KCTD8: variants seen among roughly 807,000 people sequenced by gnomAD.
KCTD8 encodes potassium channel tetramerization domain containing 8.
Under a neutral mutation model 31.5 loss-of-function variants are expected in KCTD8, and 27 were observed. The observed-to-expected ratio is 0.86, with a 90% CI of 0.63 to 1.18. The LOEUF is 1.18. Ranked by LOEUF, KCTD8 falls within the 50% of genes most tolerant of loss-of-function variation. The pLI is 0.00. For synonymous variants in KCTD8, 290 were observed against 280.0 expected (o/e 1.04, Z -0.36); for missense variants, 658 against 647.7 (o/e 1.02, Z -0.17).
intron 1 of KCTD8, among the ~76,000 whole-genome samples, chr4:44,398,095 A>G (rs1720555518): frequency 6.6e-6 from 1 of 152,196 alleles, no homozygotes; most frequent in Admixed American, 6.5e-5. Context: ...GTCAGAAATC[A>G]TTTTGTAAGG....
At chr4:44,193,277 T>C (rs767105974) in intron 1 of KCTD8, among the ~76,000 whole-genome samples, 1 of 152,162 alleles carries the variant, frequency 6.6e-6, no homozygotes, top group Non-Finnish European at 1.5e-5. Context: ...CTTCATAAAG[T>C]AGAGGCCTCT....
At chr4:44,423,251 C>A (rs1381466420) in intron 1 of KCTD8, among the ~76,000 whole-genome samples, 1 of 151,952 alleles carries the variant, frequency 6.6e-6, no homozygotes, top group Non-Finnish European at 1.5e-5. Context: ...GAAAGCCTGA[C>A]CTAAATTAAT....
chr4:44,264,786 A>G (rs1716289457), intron 1 of KCTD8, among the ~76,000 whole-genome samples: 1 of 152,052 alleles, frequency 6.6e-6, no homozygotes, highest in South Asian at 2.1e-4. Flanking sequence ...GCTGATTGCT[A>G]GCTAGCACAG....
At chr4:44,270,962 A>G (rs1716579662) in intron 1 of KCTD8, among the ~76,000 whole-genome samples, 2 of 152,042 alleles carry the variant, frequency 1.3e-5, no homozygotes. Context: ...ATATTTTAAG[A>G]GTATGAAAAG....
At chr4:44,346,261 C>T (rs1719034253) in intron 1 of KCTD8, among the ~76,000 whole-genome samples, 1 of 152,100 alleles carries the variant, frequency 6.6e-6, no homozygotes, top group South Asian at 2.1e-4. Flanking sequence ...TGCCTGGTTT[C>T]TCAGTTGATT....
intron 1 of KCTD8, among the ~76,000 whole-genome samples, chr4:44,195,318 AT>A (rs911093090): frequency 6.6e-6 from 1 of 152,188 alleles, no homozygotes; most frequent in Non-Finnish European, 1.5e-5. Flanking sequence ...TTTCAATACA[AT>A]TGTAGCTGTA....
At chr4:44,290,558 G>A (rs1415955450) in intron 1 of KCTD8, among the ~76,000 whole-genome samples, 4 of 151,934 alleles carry the variant, frequency 2.6e-5, no homozygotes, top group Admixed American at 1.3e-4. Context: ...ATACATGCTG[G>A]GTCATAAAGA....
intron 1 of KCTD8, among the ~76,000 whole-genome samples, chr4:44,209,397 A>T (rs1409412595): frequency 1.3e-5 from 2 of 152,106 alleles, no homozygotes; most frequent in Non-Finnish European, 2.9e-5. Context: ...GAGTTTAGAA[A>T]AAGGTCTCCT....
chr4:44,436,724 T>C (rs4695004), intron 1 of KCTD8, among the ~76,000 whole-genome samples: 58,951 of 151,830 alleles, frequency 0.39, 12,284 homozygotes, highest in South Asian at 0.53. Context: ...TTAGGAGGTG[T>C]ATATGTGGGA....
chr4:44,441,310 G>T (rs989387823), intron 1 of KCTD8, among the ~76,000 whole-genome samples: 2 of 151,568 alleles, frequency 1.3e-5, no homozygotes, highest in Admixed American at 6.6e-5. Flanking sequence ...CTATAACTTG[G>T]TTACCCTCAA....
intron 1 of KCTD8, among the ~76,000 whole-genome samples, chr4:44,391,718 C>T (rs1423790013): frequency 4.0e-5 from 6 of 151,616 alleles, no homozygotes; most frequent in South Asian, 2.1e-4. Context: ...AAAGTTGGGT[C>T]GAAGTTTTTG....
intron 1 of KCTD8, among the ~76,000 whole-genome samples, chr4:44,318,479 C>G (rs752545537): frequency 2.0e-5 from 3 of 151,970 alleles, no homozygotes; most frequent in Admixed American, 6.6e-5. Context: ...TCATCTGGAA[C>G]GTGAAACTTA....
intron 1 of KCTD8, among the ~76,000 whole-genome samples, chr4:44,224,374 T>TTG (rs901985019): frequency 1.3e-5 from 2 of 152,116 alleles, no homozygotes; most frequent in African/African-American, 4.8e-5. Flanking sequence ...AAACTCCTTT[T>TTG]TGTGTGTGTG....
At chr4:44,306,555 A>C (rs1475924103) in intron 1 of KCTD8, among the ~76,000 whole-genome samples, 1 of 152,066 alleles carries the variant, frequency 6.6e-6, no homozygotes, top group Non-Finnish European at 1.5e-5. Context: ...AAATAAATTA[A>C]AAAGCAAACA....
At chr4:44,401,011 C>CCTTTTT (rs1553905940) in intron 1 of KCTD8, among the ~76,000 whole-genome samples, 25 of 95,916 alleles carry the variant, frequency 2.6e-4, no homozygotes, top group African/African-American at 9.2e-4. Context: ...AATTTTCTTT[C>CCTTTTT]TTTTTTTTTT....
At chr4:44,251,656 G>T (rs1488503841) in intron 1 of KCTD8, among the ~76,000 whole-genome samples, 1 of 151,044 alleles carries the variant, frequency 6.6e-6, no homozygotes, top group African/African-American at 2.4e-5. Flanking sequence ...TATGTTAATA[G>T]GGTTCCTTAT....
At chr4:44,404,745 C>A (rs528240757) in intron 1 of KCTD8, among the ~76,000 whole-genome samples, 1 of 151,976 alleles carries the variant, frequency 6.6e-6, no homozygotes, top group Non-Finnish European at 1.5e-5. Flanking sequence ...TCAAGAAATC[C>A]CCTAACTTAT....
rs575290628 is a variant in KCTD8, at chr4:44,401,535, T to C, written c.961+46028A>G. On this transcript the variant is annotated intron_variant, in intron 1 of 1. Transcript: ENST00000360029. ...AATCAAGTCATAGTAAGGGTATAAC[T>C]AATGTTAAAGAGCATTATCATACAA... Among the ~76,000 whole-genome samples the C allele has an allele frequency of 8.8e-4, 134 of 152,256 alleles. 2 individuals carry two copies. In the South Asian group the frequency reaches 0.027, roughly 30 times the overall value.
intron 1 of KCTD8, among the ~76,000 whole-genome samples, chr4:44,383,459 G>T (rs1156685192): frequency 6.6e-6 from 1 of 151,898 alleles, no homozygotes; most frequent in African/African-American, 2.4e-5. Context: ...TACTGGCATA[G>T]AAACTGACAC....
Sources: allele counts gnomAD v4.1 joint callset (sites outside exome capture counted in the v4.1 genomes callset), GRCh38; gene constraint gnomAD v4.1.1; transcripts MANE v1.5; gene names NCBI Gene and HGNC (gene_info 2026-07-23, HGNC 2026-07-21).